Variants in CDC45 observed in about 807,000 individuals in gnomAD.
CDC45 encodes the protein cell division control protein 45 homolog.
A neutral mutation model predicts 77.8 loss-of-function variants in CDC45; 54 were observed. That is an observed-to-expected ratio of 0.69 (90% CI 0.56 to 0.87). The LOEUF is 0.87. Ranked by LOEUF, CDC45 falls within the 40% of genes least tolerant of loss-of-function variation. The pLI, the probability that CDC45 is intolerant of heterozygous loss-of-function variation, is 0.00. For missense variants in CDC45, 649 were observed against 721.6 expected, an observed-to-expected ratio of 0.90 and a Z score of 1.15; for synonymous variants, 260 against 272.1, an observed-to-expected ratio of 0.96 and a Z score of 0.44.
At chr22:19,519,829 G>C (rs1934013579) in intron 18 of CDC45, among the ~76,000 whole-genome samples, 1 of 152,240 alleles carries the variant, frequency 6.6e-6, no homozygotes, top group Admixed American at 6.5e-5. Flanking sequence ...AGGGTGGCCT[G>C]GGCTACATGG....
At position 19,508,671 on chromosome 22, in the gene CDC45, G is replaced by A. The variant is rs770596916; in HGVS notation, c.1197G>A (p.Gln399=). The A allele has an allele frequency of 6.2e-7, 1 of 1,614,170 alleles. No individual in the cohort carries two copies. The change falls in exon 13 of 19, where the codon CAG becomes CAA. Residue 399 remains glutamine (Q), a synonymous_variant. Transcript: ENST00000263201. ...GCTCAGGGACAGATCACTTCATCCAGGCTCTGGACAGCCTCTCCAGGTAGC... is the reference window on the plus strand; with the variant it reads ...GCTCAGGGACAGATCACTTCATCCAAGCTCTGGACAGCCTCTCCAGGTAGC... The part of the protein sequence containing the change: ...KDGSGTDHFI[Q]ALDSLSRSNL...
At chr22:19,493,426 GT>G (rs55876348) in intron 5 of CDC45, among the ~76,000 whole-genome samples, 47,366 of 148,100 alleles carry the variant, frequency 0.32, 8,885 homozygotes, top group African/African-American at 0.54. Flanking sequence ...GTCTTACTTT[GT>G]TTTTTTTTTT....
intron 17 of CDC45, among the ~76,000 whole-genome samples, chr22:19,518,167 T>C (rs1045487348): frequency 6.6e-6 from 1 of 152,170 alleles, no homozygotes; most frequent in African/African-American, 2.4e-5. Context: ...TGGCCTTCAG[T>C]ATACAGGGAG....
chr22:19,510,413 G>A (rs541948903), intron 13 of CDC45, among the ~76,000 whole-genome samples: 2 of 152,306 alleles, frequency 1.3e-5, no homozygotes, highest in African/African-American at 4.8e-5. Context: ...TGGCTGTTCT[G>A]AGCATTTCAT....
intron 9 of CDC45, 93 bp downstream of exon 9, chr22:19,499,244 CTGTAGGGTCCTAT>C (rs2090297482): frequency 7.8e-7 from 1 of 1,280,122 alleles, no homozygotes; most frequent in African/African-American, 1.5e-5. Flanking sequence ...AGCAGGGTCC[CTGTAGGGTCCTAT>C]TGAGAAGTGA....
chr22:19,509,016 T>C (rs1195961532), intron 13 of CDC45, among the ~76,000 whole-genome samples: 1 of 152,242 alleles, frequency 6.6e-6, no homozygotes, highest in Admixed American at 6.5e-5. Flanking sequence ...CTTATAGTTG[T>C]CATTTCTCAA....
chr22:19,489,510 T>C (rs953339081), intron 5 of CDC45, among the ~76,000 whole-genome samples: 1 of 152,216 alleles, frequency 6.6e-6, no homozygotes, highest in Admixed American at 6.5e-5. Flanking sequence ...CCTTTTGGGA[T>C]TGGCTTTTTT....
chr22:19,482,377 G>C (rs977257073), intron 3 of CDC45, among the ~76,000 whole-genome samples: 6 of 152,262 alleles, frequency 3.9e-5, no homozygotes, highest in African/African-American at 1.2e-4. Context: ...GTGAGGTCTG[G>C]AGAGACCCAA....
chr22:19,513,640 A>G (rs149829999), intron 13 of CDC45, among the ~76,000 whole-genome samples: 78 of 152,218 alleles, frequency 5.1e-4, no homozygotes, highest in African/African-American at 1.5e-3. Context: ...GTTTAGTCCA[A>G]TGTTTCTTGG....
chr22:19,480,940 A>ACT lies in CDC45; in HGVS notation c.112-5_112-4dup. The ACT allele has an allele frequency of 1.3e-6, 2 of 1,568,788 alleles. No individual in the cohort carries two copies. The highest frequency in any genetic ancestry group is 1.1e-5 in the South Asian group (1 of 87,436). On this transcript the variant is annotated splice_polypyrimidine_tract_variant and intron_variant, in intron 2 of 18. Coordinates refer to ENST00000263201, the MANE Select transcript of CDC45 (RefSeq NM_003504.5). Reference sequence around the variant, plus strand: ...CCTAAATAAGATAGGCTTTGAAAACACTCTCTCTCCAGGCCTTGTTCCAGT... The same window carrying ACT: ...CCTAAATAAGATAGGCTTTGAAAACACTCTCTCTCTCCAGGCCTTGTTCCAGT...
intron 8 of CDC45, among the ~76,000 whole-genome samples, chr22:19,498,364 A>G (rs13447225): frequency 0.027 from 4,179 of 152,340 alleles, 69 homozygotes; most frequent in African/African-American, 0.04. Context: ...GCATCCTTGC[A>G]GTCCTGGCAC....
intron 17 of CDC45, 149 bp from the exon 18 acceptor site, chr22:19,518,695 A>G (rs1933937134): frequency 2.9e-6 from 2 of 680,434 alleles, no homozygotes; most frequent in Non-Finnish European, 5.4e-6. Context: ...AGTGAGACAG[A>G]CACAACCACT....
At chr22:19,479,600 G>C (rs1359228028), upstream of CDC45, 12 of 607,730 alleles carry the variant, frequency 2.0e-5, no homozygotes, top group Non-Finnish European at 3.2e-5. Context: ...TGTATGGTTA[G>C]AAGTATACTT....
At chr22:19,497,666 A>G (rs1008615747) in intron 8 of CDC45, among the ~76,000 whole-genome samples, 1 of 152,188 alleles carries the variant, frequency 6.6e-6, no homozygotes, top group Non-Finnish European at 1.5e-5. Flanking sequence ...CGGAGAATGC[A>G]GAGGAAGAGA....
upstream of CDC45, chr22:19,479,837 G>A (rs114125269): frequency 1.6e-3 from 1,449 of 898,450 alleles, 21 homozygotes; most frequent in African/African-American, 0.02. Flanking sequence ...AAGAAAGGAA[G>A]GCTGGGAACT....
intron 4 of CDC45, 93 bp from the exon 5 acceptor site, chr22:19,483,769 T>C: frequency 1.6e-6 from 2 of 1,219,010 alleles, no homozygotes; most frequent in Non-Finnish European, 2.3e-6. Context: ...CTGAGTCAGC[T>C]TATTAGGAAA....
At chr22:19,504,676 G>A (rs1440035737) in intron 9 of CDC45, among the ~76,000 whole-genome samples, 1 of 152,174 alleles carries the variant, frequency 6.6e-6, no homozygotes, top group Non-Finnish European at 1.5e-5. Flanking sequence ...CAAGGGGGAT[G>A]TAATCATCAG....
rs139632069 is a variant in CDC45, at chr22:19,505,771, G to A, written c.824+290G>A. On this transcript the variant is annotated intron_variant, in intron 10 of 18. Coordinates refer to ENST00000263201, the MANE Select transcript of CDC45 (RefSeq NM_003504.5). ...GGTAGCAGTGCGGGCAGTGGTTCACGCAGTCAGGAAAGAAGGCAGCTGCCA... is the reference window on the plus strand; with the variant it reads ...GGTAGCAGTGCGGGCAGTGGTTCACACAGTCAGGAAAGAAGGCAGCTGCCA... Among the ~76,000 whole-genome samples, 30 of 152,362 alleles carry A rather than the reference G, an allele frequency of 2.0e-4. No homozygotes were observed. The East Asian group carries it at 5.0e-3, about 25-fold the overall frequency.
intron 9 of CDC45, among the ~76,000 whole-genome samples, chr22:19,499,994 C>T (rs753616441): frequency 1.1e-4 from 16 of 152,242 alleles, no homozygotes; most frequent in Middle Eastern, 3.2e-3. Flanking sequence ...TGCAATAAGG[C>T]CCACAAGGCA....
Sources: allele counts gnomAD v4.1 joint callset (sites outside exome capture counted in the v4.1 genomes callset), GRCh38; gene constraint gnomAD v4.1.1; transcripts MANE v1.5; gene names NCBI Gene and HGNC (gene_info 2026-07-23, HGNC 2026-07-21).